The following MRAP2 variants were observed in gnomAD, a reference collection of about 807,000 sequenced individuals.
MRAP2 encodes the protein melanocortin 2 receptor accessory protein 2.
MRAP2 carries 20 observed loss-of-function variants against 17.4 expected under a neutral mutation model. The observed-to-expected ratio is 1.15, with a 90% CI of 0.81 to 1.67. The LOEUF (loss-of-function observed/expected upper bound fraction) is 1.67, where lower values mean the gene tolerates loss of function less well. MRAP2 is among the 40% of genes most tolerant of loss of function. The pLI, the probability that MRAP2 is intolerant of heterozygous loss-of-function variation, is 0.00. For missense variants in MRAP2, 238 were observed against 240.0 expected, an observed-to-expected ratio of 0.99 and a Z score of 0.05; for synonymous variants, 96 against 88.4, an observed-to-expected ratio of 1.09 and a Z score of -0.48.
At chr6:84,053,377 T>C (rs1393807643) in intron 1 of MRAP2, among the ~76,000 whole-genome samples, 1 of 152,206 alleles carries the variant, frequency 6.6e-6, no homozygotes, top group Non-Finnish European at 1.5e-5. Flanking sequence ...ATTTTTGAGT[T>C]GGTAGAATAG....
the MRAP2 span, among the ~76,000 whole-genome samples, chr6:84,114,677 C>T: frequency 6.6e-6 from 1 of 152,236 alleles, no homozygotes; most frequent in East Asian, 1.9e-4. Context: ...AATTTTCAGC[C>T]TTTTTGTGCT....
chr6:84,092,721 A>T (rs2099501971), downstream of MRAP2, among the ~76,000 whole-genome samples: 1 of 152,154 alleles, frequency 6.6e-6, no homozygotes, highest in Non-Finnish European at 1.5e-5. Context: ...GTCCTGCAGA[A>T]CCCGTGTATA....
chr6:84,047,643 A>G (rs1489398342), intron 1 of MRAP2, among the ~76,000 whole-genome samples: 4 of 152,196 alleles, frequency 2.6e-5, no homozygotes, highest in African/African-American at 9.7e-5. Context: ...CATTTCCAGA[A>G]CTTTTTCATT....
the MRAP2 span, among the ~76,000 whole-genome samples, chr6:84,127,980 T>C: frequency 6.6e-6 from 1 of 152,350 alleles, no homozygotes; most frequent in East Asian, 1.9e-4. Context: ...CTGAGCACTT[T>C]ACAGATGTCT....
chr6:84,044,383 C>T (rs1343098366), intron 1 of MRAP2, among the ~76,000 whole-genome samples: 2 of 152,202 alleles, frequency 1.3e-5, no homozygotes, highest in African/African-American at 2.4e-5. Flanking sequence ...GACGAGGTTT[C>T]TCCATGTTGG....
chr6:84,138,784 C>T, the MRAP2 span, among the ~76,000 whole-genome samples: 955 of 152,230 alleles, frequency 6.3e-3, 4 homozygotes, highest in African/African-American at 0.022. Context: ...TCTTTTATTG[C>T]TTTCACTAAA....
chr6:84,097,531 A>T, the MRAP2 span, among the ~76,000 whole-genome samples: 1 of 152,110 alleles, frequency 6.6e-6, no homozygotes, highest in Non-Finnish European at 1.5e-5. Flanking sequence ...TCAGTATTAG[A>T]ATACCTGTTT....
intron 3 of MRAP2, among the ~76,000 whole-genome samples, chr6:84,067,909 T>G (rs1398990444): frequency 1.3e-5 from 2 of 152,156 alleles, no homozygotes. Flanking sequence ...TTCCAACTAT[T>G]TATCTTTGTC....
intron 3 of MRAP2, among the ~76,000 whole-genome samples, chr6:84,076,194 CTG>C (rs2099497560): frequency 6.6e-6 from 1 of 151,356 alleles, no homozygotes; most frequent in Admixed American, 6.6e-5. Context: ...TCCTGAGTAA[CTG>C]GGACTGGGTG....
chr6:84,060,783 T>G (rs150093230), intron 2 of MRAP2, among the ~76,000 whole-genome samples: 4,164 of 151,808 alleles, frequency 0.027, 174 homozygotes, highest in African/African-American at 0.087. Context: ...CCTGCCGGGT[T>G]CACGCCATTC....
At chr6:84,125,283 A>T in the MRAP2 span, 1 of 1,611,906 alleles carries the variant, frequency 6.2e-7, no homozygotes. Flanking sequence ...TTATCTGCAA[A>T]TACAAAAATT....
At chr6:84,112,073 CTG>C in the MRAP2 span, among the ~76,000 whole-genome samples, 3 of 151,818 alleles carry the variant, frequency 2.0e-5, no homozygotes, top group Admixed American at 1.3e-4. Context: ...TCTTTTTTTG[CTG>C]TGTTTCTGCC....
At chr6:84,084,859 C>T (rs949814568) in intron 3 of MRAP2, among the ~76,000 whole-genome samples, 1 of 137,124 alleles carries the variant, frequency 7.3e-6, no homozygotes, top group Non-Finnish European at 1.5e-5. Flanking sequence ...CATTTCATTT[C>T]TTTATTTTAT....
the MRAP2 span, among the ~76,000 whole-genome samples, chr6:84,137,724 G>T: frequency 1.3e-5 from 2 of 151,970 alleles, no homozygotes; most frequent in Non-Finnish European, 2.9e-5. Flanking sequence ...GAAGATTTTT[G>T]CAGTCAATTA....
chr6:84,064,413 A>AC (rs2099494007), intron 3 of MRAP2, among the ~76,000 whole-genome samples: 1 of 152,200 alleles, frequency 6.6e-6, no homozygotes, highest in Non-Finnish European at 1.5e-5. Context: ...ACAGAGCAGG[A>AC]CAGGGGAGGG....
chr6:84,133,671 G>A, the MRAP2 span, among the ~76,000 whole-genome samples: 18 of 152,318 alleles, frequency 1.2e-4, no homozygotes, highest in African/African-American at 3.6e-4. Flanking sequence ...AGCCATGCGC[G>A]GGATATAATG....
intron 3 of MRAP2, among the ~76,000 whole-genome samples, chr6:84,084,332 A>G (rs1324902489): frequency 6.6e-6 from 1 of 152,102 alleles, no homozygotes; most frequent in Non-Finnish European, 1.5e-5. Context: ...AGCAATTTTT[A>G]TGTCAGACAA....
At chr6:84,100,090 C>T in the MRAP2 span, among the ~76,000 whole-genome samples, 1 of 152,024 alleles carries the variant, frequency 6.6e-6, no homozygotes, top group Non-Finnish European at 1.5e-5. Context: ...GAACTCCTGG[C>T]CCCAAGTGAT....
intron 1 of MRAP2, among the ~76,000 whole-genome samples, chr6:84,043,864 CTG>C (rs2129159456): frequency 6.6e-6 from 1 of 152,268 alleles, no homozygotes; most frequent in South Asian, 2.1e-4. Flanking sequence ...AATAATTTTA[CTG>C]TGTTCAAAAC....
Sources: allele counts gnomAD v4.1 joint callset (sites outside exome capture counted in the v4.1 genomes callset), GRCh38; gene constraint gnomAD v4.1.1; transcripts MANE v1.5; gene names NCBI Gene and HGNC (gene_info 2026-07-23, HGNC 2026-07-21).